Variants in XNDC1N observed in about 807,000 individuals in gnomAD.
The protein encoded by XNDC1N is XRCC1 N-terminal domain containing 1, N-terminal like.
At chr11:71,892,389 T>C in the XNDC1N span, among the ~76,000 whole-genome samples, 15 of 152,210 alleles carry the variant, frequency 9.9e-5, no homozygotes, top group Admixed American at 8.5e-4. Context: ...TAATACCTTA[T>C]GAATAATATC....
At chr11:71,921,255 G>A in the XNDC1N span, among the ~76,000 whole-genome samples, 1 of 151,948 alleles carries the variant, frequency 6.6e-6, no homozygotes. Flanking sequence ...CCCAGGCTCA[G>A]GATCCTCCCA....
At chr11:71,901,140 G>A in the XNDC1N span, among the ~76,000 whole-genome samples, 9 of 151,572 alleles carry the variant, frequency 5.9e-5, no homozygotes, top group African/African-American at 2.0e-4. Flanking sequence ...ATCATTCGGG[G>A]CGCATCTCTC....
At chr11:71,897,866 G>T in the XNDC1N span, among the ~76,000 whole-genome samples, 1 of 152,230 alleles carries the variant, frequency 6.6e-6, no homozygotes. Flanking sequence ...TTCATACAAT[G>T]GAAGACCATT....
chr11:71,881,065 G>C, the XNDC1N span, among the ~76,000 whole-genome samples: 1 of 152,168 alleles, frequency 6.6e-6, no homozygotes. Context: ...ATGATTATTT[G>C]TTAGCTTTCT....
At chr11:71,900,146 A>G in the XNDC1N span, among the ~76,000 whole-genome samples, 1,019 of 152,314 alleles carry the variant, frequency 6.7e-3, 4 homozygotes, top group African/African-American at 0.023. Flanking sequence ...TCTCCTTATT[A>G]TCACCCTGCC....
the XNDC1N span, among the ~76,000 whole-genome samples, chr11:71,919,654 G>A: frequency 7.6e-6 from 1 of 131,278 alleles, no homozygotes; most frequent in Admixed American, 8.8e-5. Flanking sequence ...GTCTCACTCC[G>A]TAGCCCAGGC....
At chr11:71,875,628 T>G in the XNDC1N span, among the ~76,000 whole-genome samples, 1,463 of 148,196 alleles carry the variant, frequency 9.9e-3, 13 homozygotes, top group African/African-American at 0.034. Context: ...AAGCATTCAT[T>G]AAAAAAAAAA....
chr11:71,896,681 C>T, the XNDC1N span, among the ~76,000 whole-genome samples: 1 of 152,090 alleles, frequency 6.6e-6, no homozygotes, highest in Non-Finnish European at 1.5e-5. Context: ...CTCCTGCCTC[C>T]ACCTCCCGAG....
chr11:71,922,553 T>C, the XNDC1N span, among the ~76,000 whole-genome samples: 1 of 152,310 alleles, frequency 6.6e-6, no homozygotes, highest in African/African-American at 2.4e-5. Flanking sequence ...TCCTCCTGCC[T>C]TGGGCTCCCA....
the XNDC1N span, among the ~76,000 whole-genome samples, chr11:71,872,682 C>T: frequency 2.6e-5 from 4 of 151,994 alleles, no homozygotes; most frequent in Admixed American, 6.6e-5. Context: ...GAGTCGAGAT[C>T]GCGCCACTGC....
At chr11:71,903,264 C>A in the XNDC1N span, 5 of 1,197,212 alleles carry the variant, frequency 4.2e-6, no homozygotes, top group East Asian at 4.7e-5. Flanking sequence ...GAACTGCAGC[C>A]GGTCGTCGCT....
the XNDC1N span, among the ~76,000 whole-genome samples, chr11:71,877,192 G>A: frequency 2.6e-4 from 40 of 152,222 alleles, 2 homozygotes; most frequent in Admixed American, 2.5e-3. Flanking sequence ...ACACTCTGAA[G>A]TATTATAGAA....
the XNDC1N span, among the ~76,000 whole-genome samples, chr11:71,880,671 C>G: frequency 3.9e-5 from 6 of 152,094 alleles, no homozygotes; most frequent in Non-Finnish European, 7.4e-5. Flanking sequence ...TCTCTTAGCA[C>G]TGTCTTTGTT....
the XNDC1N span, chr11:71,904,004 G>A: frequency 3.5e-5 from 18 of 517,162 alleles, no homozygotes; most frequent in South Asian, 1.7e-4. Context: ...CCGAGAAAGC[G>A]TGCAGTGGCC....
the XNDC1N span, among the ~76,000 whole-genome samples, chr11:71,881,060 T>G: frequency 7.2e-5 from 11 of 152,216 alleles, no homozygotes; most frequent in Non-Finnish European, 1.6e-4. Context: ...ATTTGATGAT[T>G]ATTTGTTAGC....
chr11:71,867,887 T>C, the XNDC1N span, among the ~76,000 whole-genome samples: 1 of 152,186 alleles, frequency 6.6e-6, no homozygotes, highest in African/African-American at 2.4e-5. Context: ...CAGTGAGGTG[T>C]TGAAGTCTCC....
the XNDC1N span, chr11:71,865,885 CAAAT>C: frequency 5.0e-5 from 22 of 443,690 alleles, no homozygotes; most frequent in East Asian, 1.4e-3. Context: ...AATAAACAAA[CAAAT>C]AAAAATCTCT....
the XNDC1N span, among the ~76,000 whole-genome samples, chr11:71,921,652 T>C: frequency 6.6e-6 from 1 of 152,080 alleles, no homozygotes; most frequent in Non-Finnish European, 1.5e-5. Context: ...ATAAAACCCT[T>C]TTAACTGAAA....
chr11:71,910,067 G>A, the XNDC1N span, among the ~76,000 whole-genome samples: 58 of 152,188 alleles, frequency 3.8e-4, no homozygotes, highest in Non-Finnish European at 6.6e-4. Flanking sequence ...AACAGGACCC[G>A]GTCCCCAGAG....
Sources: allele counts gnomAD v4.1 joint callset (sites outside exome capture counted in the v4.1 genomes callset), GRCh38; gene constraint gnomAD v4.1.1; transcripts MANE v1.5; gene names NCBI Gene and HGNC (gene_info 2026-07-23, HGNC 2026-07-21).